C12orf50: variants seen among roughly 807,000 people sequenced by gnomAD.
C12orf50 encodes the protein uncharacterized protein C12orf50.
Under a neutral mutation model 61.6 loss-of-function variants are expected in C12orf50, and 35 were observed. The observed-to-expected ratio is 0.57, with a 90% CI of 0.43 to 0.75. The LOEUF is 0.75. Among genes scored for constraint, C12orf50 ranks in the 30% least tolerant of loss-of-function variants. The pLI is 0.00. For synonymous variants in C12orf50, 178 were observed against 161.5 expected (o/e 1.10, Z -0.77); for missense variants, 475 against 488.5 (o/e 0.97, Z 0.26).
intron 3 of C12orf50, 96 bp downstream of exon 3, chr12:88,026,392 C>T: frequency 1.4e-6 from 2 of 1,388,378 alleles, no homozygotes; most frequent in South Asian, 2.9e-5. Flanking sequence ...TTGCATTGCT[C>T]ACCTTGTCAT....
In C12orf50 at chr12:87,985,079, T is replaced by A. The variant is rs1403013934; in HGVS notation, c.1126+771A>T. 8 of 152,022 alleles carry A rather than the reference T, an allele frequency of 5.3e-5. No homozygotes were observed. In the South Asian group the frequency reaches 1.7e-3, roughly 31 times the overall value. 9.4% of individuals were successfully genotyped at this position (152,022 alleles called of 1,614,324 possible). On this transcript the variant is annotated intron_variant, in intron 11 of 12. Transcript: ENST00000298699. ...ACTGTGTACTCATAATTTTAAAAAA[T>A]TTATTAAATTATAAAAGAAACTTAG...
intron 10 of C12orf50, 21 bp from the exon 11 acceptor site, chr12:87,986,074 G>A: frequency 1.2e-6 from 2 of 1,607,006 alleles, no homozygotes; most frequent in Non-Finnish European, 1.7e-6. Flanking sequence ...AGGTGGGAGG[G>A]AGTGAGGAAT....
chr12:87,985,055 C>T (rs1291712194), intron 11 of C12orf50: 1 of 151,760 alleles, frequency 6.6e-6, no homozygotes, highest in African/African-American at 2.4e-5. Flanking sequence ...TATATACCTA[C>T]TGTGTACTCA....
At chr12:88,005,099 C>T (rs2031806836) in intron 3 of C12orf50, among the ~76,000 whole-genome samples, 1 of 152,118 alleles carries the variant, frequency 6.6e-6, no homozygotes, top group African/African-American at 2.4e-5. Context: ...CATAAGCATT[C>T]TGTTGCCTCC....
Position 87,985,839 on chromosome 12 carries a change from A to C in C12orf50, c.1126+11T>G. The C allele has an allele frequency of 1.9e-6, 3 of 1,611,460 alleles. No homozygotes were observed. The highest frequency in any genetic ancestry group is 1.7e-6 in the Non-Finnish European group (2 of 1,179,198). Reference sequence around the variant, plus strand: ...CAGACAAGAGTAAACCACATCAACAAAGGACCTCACCTGGACTGAGGTTGG... The same window carrying C: ...CAGACAAGAGTAAACCACATCAACACAGGACCTCACCTGGACTGAGGTTGG... On this transcript the variant is annotated intron_variant, in intron 11 of 12. Coordinates refer to ENST00000298699, the MANE Select transcript of C12orf50 (RefSeq NM_152589.3).
At chr12:88,011,204 C>A (rs1407063671) in intron 3 of C12orf50, among the ~76,000 whole-genome samples, 1 of 151,654 alleles carries the variant, frequency 6.6e-6, no homozygotes, top group Admixed American at 6.6e-5. Flanking sequence ...TAAAGTGTAT[C>A]AGAGTTTTTT....
chr12:88,029,039 G>A, intron 1 of C12orf50: 1 of 1,202,322 alleles, frequency 8.3e-7, no homozygotes, highest in Non-Finnish European at 1.1e-6. Flanking sequence ...TTAAGCATGT[G>A]AAGTACTGTC....
chr12:88,029,880 T>C (rs146415874), upstream of C12orf50, among the ~76,000 whole-genome samples: 63 of 152,348 alleles, frequency 4.1e-4, 1 homozygote, highest in East Asian at 0.012. Context: ...CTTGTGGCTA[T>C]ATTCCATTTA....
chr12:88,004,298 C>G (rs2031769856), intron 3 of C12orf50, among the ~76,000 whole-genome samples: 1 of 152,072 alleles, frequency 6.6e-6, no homozygotes, highest in Admixed American at 6.5e-5. Flanking sequence ...TGAAAAAATG[C>G]TCATAGTCAC....
intron 6 of C12orf50, among the ~76,000 whole-genome samples, 153 bp from the exon 7 acceptor site, chr12:87,994,896 C>T (rs1261191360): frequency 1.3e-5 from 2 of 152,120 alleles, no homozygotes; most frequent in African/African-American, 4.8e-5. Context: ...TTAATAAATA[C>T]ATGAGTTTTA....
intron 8 of C12orf50, 97 bp downstream of exon 8, chr12:87,989,167 T>G: frequency 1.2e-6 from 1 of 818,348 alleles, no homozygotes; most frequent in South Asian, 1.7e-5. Flanking sequence ...TATTTTGATT[T>G]ATTACCATTC....
intron 8 of C12orf50, among the ~76,000 whole-genome samples, chr12:87,988,742 G>A (rs116225309): frequency 0.034 from 5,103 of 152,152 alleles, 124 homozygotes; most frequent in African/African-American, 0.066. Context: ...CCTAATTACA[G>A]GACAGCTGTA....
chr12:87,999,130 T>C lies in C12orf50; in HGVS notation c.134-940A>G, dbSNP rs144157496. Among the ~76,000 whole-genome samples the C allele has an allele frequency of 3.5e-4, 54 of 152,176 alleles. 1 individual carries two copies. Among genetic ancestry groups the C allele is most frequent in the African/African-American group, 1.3e-3 (53 of 41,516 alleles). ...AGCCATGATAACACCTGCCAACAAG[T>C]CCCAGATTTTGCTGGAAAGCAGTTC... On this transcript the variant is annotated intron_variant, in intron 3 of 12. Transcript: ENST00000298699.
rs748533636 is a variant in C12orf50, at chr12:87,987,900, A to AATACATGCG, written c.758_766dup (p.Val255_Leu256insSerHisVal). 6.2e-7 allele frequency: 1 copy of AATACATGCG among 1,611,964 alleles called. No individual in the cohort carries two copies. Among genetic ancestry groups the AATACATGCG allele is most frequent in the Non-Finnish European group, 8.5e-7 (1 of 1,178,666 alleles). On this transcript the variant is annotated inframe_insertion, in exon 9 of 13. Transcript: ENST00000298699. ...CATACTGATATTCTCAGTAGCATTTAATACATGCGTTGTAGGTACTAGTCG... is the reference window on the plus strand; with the variant it reads ...CATACTGATATTCTCAGTAGCATTTAATACATGCGATACATGCGTTGTAGGTACTAGTCG...
intron 7 of C12orf50, 130 bp from the exon 8 acceptor site, chr12:87,989,501 T>A: frequency 1.7e-6 from 1 of 597,102 alleles, no homozygotes; most frequent in Admixed American, 2.9e-5. Flanking sequence ...TGATACCATA[T>A]CCATCTCCAT....
Position 88,026,562 on chromosome 12 carries a change from C to G in C12orf50, c.59G>C (p.Cys20Ser). The part of the protein sequence containing the change: ...SCFWETQPLG[C>S]VKISCIFYHS... ...ATAAAAGATACAGCTGATCTTCACA[C>G]AACCAAGAGGCTGAGTTTCCCAGAA... The change falls in exon 3 of 13, where the codon TGT (cysteine) becomes TCT (serine). Residue 20 changes from cysteine to serine, a missense_variant. Cys to Ser is a moderately radical substitution (Grantham distance 112). Coordinates refer to ENST00000298699, the MANE Select transcript of C12orf50 (RefSeq NM_152589.3). 1 of 1,613,854 alleles carries G rather than the reference C, an allele frequency of 6.2e-7. No homozygotes were observed. The highest frequency in any genetic ancestry group is 8.5e-7 in the Non-Finnish European group (1 of 1,179,988).
intron 3 of C12orf50, among the ~76,000 whole-genome samples, chr12:87,999,602 A>G (rs1475667625): frequency 6.6e-6 from 1 of 152,164 alleles, no homozygotes; most frequent in Non-Finnish European, 1.5e-5. Context: ...TTAGAAAACA[A>G]TTAGGCAGTT....
intron 3 of C12orf50, among the ~76,000 whole-genome samples, chr12:88,017,971 T>C (rs530747952): frequency 6.6e-6 from 1 of 152,302 alleles, no homozygotes; most frequent in African/African-American, 2.4e-5. Flanking sequence ...TTTGGAAAAT[T>C]TGCAGCCTGA....
chr12:87,997,918 T>C, intron 4 of C12orf50, 117 bp downstream of exon 4: 2 of 707,894 alleles, frequency 2.8e-6, no homozygotes, highest in South Asian at 3.0e-5. Flanking sequence ...ATTATAGTTA[T>C]TTTCTCAGCA....
Sources: allele counts gnomAD v4.1 joint callset (sites outside exome capture counted in the v4.1 genomes callset), GRCh38; gene constraint gnomAD v4.1.1; transcripts MANE v1.5; gene names NCBI Gene and HGNC (gene_info 2026-07-23, HGNC 2026-07-21).